The following CECR2 variants were observed in gnomAD, a reference collection of about 807,000 sequenced individuals.
CECR2 encodes chromatin remodeling regulator CECR2.
CECR2 carries 30 observed loss-of-function variants against 154.5 expected under a neutral mutation model. That is an observed-to-expected ratio of 0.19 (90% CI 0.15 to 0.26). CECR2 has a LOEUF of 0.26. Among genes scored for constraint, CECR2 ranks in the 10% least tolerant of loss-of-function variants. CECR2 has a pLI of 1.00. For missense variants in CECR2, 1,743 were observed against 1,829.3 expected, an observed-to-expected ratio of 0.95 and a Z score of 0.86; for synonymous variants, 725 against 683.7, an observed-to-expected ratio of 1.06 and a Z score of -0.94.
At chr22:17,485,681 G>T (rs930385886) in intron 2 of CECR2, among the ~76,000 whole-genome samples, 1 of 152,170 alleles carries the variant, frequency 6.6e-6, no homozygotes, top group African/African-American at 2.4e-5. Context: ...GGCTGAGGCA[G>T]GAGAATCAGT....
intron 1 of CECR2, among the ~76,000 whole-genome samples, chr22:17,468,787 C>T (rs1422151302): frequency 6.6e-6 from 1 of 152,062 alleles, no homozygotes; most frequent in East Asian, 1.9e-4. Context: ...ACTGTTTTGC[C>T]GTAACAAAAT....
intron 1 of CECR2, among the ~76,000 whole-genome samples, chr22:17,404,534 C>T (rs1009871833): frequency 4.3e-5 from 6 of 140,970 alleles, no homozygotes; most frequent in Non-Finnish European, 7.6e-5. Flanking sequence ...CCACTACGCC[C>T]GGCTAATTTT....
In CECR2 at chr22:17,363,497, C is replaced by T. The variant is rs1251175549; in HGVS notation, c.-364+3474C>T. On this transcript the variant is annotated intron_variant, in intron 1 of 18. Coordinates refer to the CECR2 transcript ENST00000400585. ...TGGTGGAATTACAGGCGTGAGCCACCGTGCCAGGCCAATTTTTGTATTTTA... is the reference window on the plus strand; with the variant it reads ...TGGTGGAATTACAGGCGTGAGCCACTGTGCCAGGCCAATTTTTGTATTTTA... Among the ~76,000 whole-genome samples, 8 of 152,188 alleles carry T rather than the reference C, an allele frequency of 5.3e-5. No homozygotes were observed. The East Asian group carries it at 9.7e-4, about 18-fold the overall frequency.
intron 1 of CECR2, among the ~76,000 whole-genome samples, chr22:17,388,546 C>A (rs1466974818): frequency 1.3e-5 from 2 of 152,138 alleles, no homozygotes; most frequent in Non-Finnish European, 2.9e-5. Context: ...GACAGGAAAA[C>A]TGACATCCAG....
intron 8 of CECR2, chr22:17,518,624 G>A: frequency 7.1e-6 from 3 of 424,636 alleles, no homozygotes; most frequent in East Asian, 7.4e-5. Flanking sequence ...TTCCCCATGG[G>A]CTTGGCACTC....
intron 8 of CECR2, among the ~76,000 whole-genome samples, chr22:17,519,953 G>T (rs563320037): frequency 3.9e-5 from 6 of 152,014 alleles, no homozygotes; most frequent in Non-Finnish European, 8.8e-5. Context: ...ACCGTGCCCA[G>T]CTAATTTTTG....
intron 1 of CECR2, among the ~76,000 whole-genome samples, chr22:17,377,187 T>C (rs2063128537): frequency 6.6e-6 from 1 of 152,204 alleles, no homozygotes; most frequent in South Asian, 2.1e-4. Flanking sequence ...ATCTTACAAA[T>C]TAATTACGTA....
intron 12 of CECR2, 62 bp downstream of exon 12, chr22:17,538,793 T>G (rs2056476136): frequency 6.9e-7 from 1 of 1,447,718 alleles, no homozygotes; most frequent in South Asian, 1.2e-5. Context: ...GGTTTTGTTG[T>G]TTGTTTGTTG....
chr22:17,508,844 A>G (rs1273287662), intron 7 of CECR2, among the ~76,000 whole-genome samples: 1 of 152,248 alleles, frequency 6.6e-6, no homozygotes, highest in East Asian at 1.9e-4. Flanking sequence ...GAGAAGTAAA[A>G]GCTGTCTTGT....
At chr22:17,541,728 A>C in intron 14 of CECR2, 111 bp from the exon 15 acceptor site, 1 of 1,318,096 alleles carries the variant, frequency 7.6e-7, no homozygotes, top group South Asian at 1.5e-5. Context: ...GCCGAGGTTT[A>C]GTCGTCTGTT....
intron 3 of CECR2, 94 bp from the exon 4 acceptor site, chr22:17,499,316 A>G: frequency 6.9e-7 from 1 of 1,453,832 alleles, no homozygotes; most frequent in Non-Finnish European, 9.4e-7. Flanking sequence ...GATTTGAGTT[A>G]TGCTTACGTG....
chr22:17,515,993 G>C (rs910314788), intron 8 of CECR2, among the ~76,000 whole-genome samples: 1 of 152,118 alleles, frequency 6.6e-6, no homozygotes, highest in Non-Finnish European at 1.5e-5. Context: ...CCTTAAATTA[G>C]TTACTTTGGG....
chr22:17,387,986 T>C (rs1053103339), intron 1 of CECR2, among the ~76,000 whole-genome samples: 1 of 152,074 alleles, frequency 6.6e-6, no homozygotes, highest in African/African-American at 2.4e-5. Context: ...AGGGAGTCTG[T>C]CTCTGTCGCC....
At chr22:17,455,638 A>G (rs1040746770) in intron 1 of CECR2, among the ~76,000 whole-genome samples, 6 of 152,222 alleles carry the variant, frequency 3.9e-5, no homozygotes, top group African/African-American at 1.4e-4. Context: ...TTTGTAAGAC[A>G]GAGTCCCCTC....
chr22:17,513,533 G>C (rs117073364), intron 8 of CECR2, among the ~76,000 whole-genome samples: 343 of 152,278 alleles, frequency 2.3e-3, no homozygotes, highest in African/African-American at 7.9e-3. Context: ...AGTATATTTT[G>C]ATTTCACATC....
At chr22:17,547,078 T>C (rs897447985) in intron 16 of CECR2, among the ~76,000 whole-genome samples, 4 of 150,428 alleles carry the variant, frequency 2.7e-5, no homozygotes, top group African/African-American at 4.9e-5. Flanking sequence ...TATATAGATA[T>C]ATACACACAC....
chr22:17,522,071 G>A (rs2056168786), intron 8 of CECR2, among the ~76,000 whole-genome samples: 1 of 152,086 alleles, frequency 6.6e-6, no homozygotes, highest in South Asian at 2.1e-4. Flanking sequence ...TAGATGTGTG[G>A]TGTTATTTCT....
intron 2 of CECR2, among the ~76,000 whole-genome samples, chr22:17,487,013 A>C (rs1196908980): frequency 1.3e-5 from 2 of 152,156 alleles, no homozygotes; most frequent in Admixed American, 1.3e-4. Context: ...GAAGGTCACT[A>C]ATCTAAGGCA....
intron 1 of CECR2, among the ~76,000 whole-genome samples, chr22:17,448,695 C>CTACG (rs2054716730): frequency 6.6e-6 from 1 of 152,110 alleles, no homozygotes; most frequent in African/African-American, 2.4e-5. Context: ...CAGCTTAAGT[C>CTACG]TACGGTCTTT....
Sources: gnomAD v4.1 joint callset for allele counts (sites outside exome capture counted in the v4.1 genomes callset) on GRCh38, gnomAD v4.1.1 for gene constraint, MANE v1.5 for transcripts, NCBI Gene and HGNC (gene_info 2026-07-23, HGNC 2026-07-21) for gene names.